The following GPHN variants were observed in gnomAD, a reference collection of about 807,000 sequenced individuals.
The protein encoded by GPHN is gephyrin.
A neutral mutation model predicts 95.5 loss-of-function variants in GPHN; 17 were observed. The observed-to-expected ratio is 0.18, with a 90% CI of 0.12 to 0.27. GPHN has a LOEUF of 0.27. Among genes scored for constraint, GPHN ranks in the 10% least tolerant of loss-of-function variants. The pLI is 1.00. For synonymous variants in GPHN, 320 were observed against 322.5 expected, an observed-to-expected ratio of 0.99 and a Z score of 0.08; for missense variants, 660 against 978.1, an observed-to-expected ratio of 0.67 and a Z score of 4.34.
chr14:67,153,726 C>T (rs779506824), intron 18 of GPHN, among the ~76,000 whole-genome samples: 19 of 152,204 alleles, frequency 1.2e-4, no homozygotes, highest in Non-Finnish European at 2.2e-4. Flanking sequence ...CAAAGTTTTG[C>T]ACAATTTTTC....
chr14:67,551,470 A>G, the GPHN span, among the ~76,000 whole-genome samples: 125 of 152,070 alleles, frequency 8.2e-4, 2 homozygotes, highest in African/African-American at 2.9e-3. Context: ...ATATATATAT[A>G]TTTTTTACTG....
chr14:67,662,497 G>C, the GPHN span: 1 of 1,611,996 alleles, frequency 6.2e-7, no homozygotes, highest in Non-Finnish European at 8.5e-7. Context: ...GCTTCCTGTT[G>C]CTTTTCATCA....
intron 3 of GPHN, among the ~76,000 whole-genome samples, chr14:66,782,891 AAAG>A (rs1322775572): frequency 2.0e-5 from 3 of 152,092 alleles, no homozygotes; most frequent in Admixed American, 6.5e-5. Flanking sequence ...TGAAAGATGG[AAAG>A]AAGAAGGCAG....
chr14:66,959,537 A>G (rs893133923), intron 8 of GPHN, among the ~76,000 whole-genome samples: 1 of 152,116 alleles, frequency 6.6e-6, no homozygotes, highest in Non-Finnish European at 1.5e-5. Context: ...TTTATCAGAT[A>G]TAGAATTATT....
chr14:67,665,002 G>A, the GPHN span, among the ~76,000 whole-genome samples: 147,743 of 152,286 alleles, frequency 0.97, 71,801 homozygotes, highest in East Asian at 1. Flanking sequence ...GAGTGGTGGG[G>A]TTACAGGAGT....
At chr14:67,585,251 C>T in the GPHN span, 16 of 243,392 alleles carry the variant, frequency 6.6e-5, no homozygotes, top group Admixed American at 1.6e-4. Flanking sequence ...CTAGGGCTGG[C>T]CTCTATTCTG....
chr14:67,257,280 A>T, the GPHN span, among the ~76,000 whole-genome samples: 1 of 152,102 alleles, frequency 6.6e-6, no homozygotes, highest in East Asian at 1.9e-4. Context: ...TCTCAGGTGA[A>T]CCTCAGAGGG....
chr14:67,695,658 G>C, the GPHN span: 9 of 1,614,092 alleles, frequency 5.6e-6, no homozygotes, highest in South Asian at 3.3e-5. Flanking sequence ...ATATACAGAA[G>C]GAAGGGCAGA....
chr14:67,293,519 T>A, the GPHN span, among the ~76,000 whole-genome samples: 1 of 152,182 alleles, frequency 6.6e-6, no homozygotes, highest in Non-Finnish European at 1.5e-5. Flanking sequence ...CTTTGTAGAT[T>A]AGCACATAAT....
chr14:67,223,324 A>G, the GPHN span, among the ~76,000 whole-genome samples: 1 of 152,240 alleles, frequency 6.6e-6, no homozygotes, highest in Non-Finnish European at 1.5e-5. Context: ...GTGTCTAAAA[A>G]TATGAGATGA....
chr14:67,261,971 A>C, the GPHN span, among the ~76,000 whole-genome samples: 9 of 152,298 alleles, frequency 5.9e-5, no homozygotes, highest in South Asian at 1.9e-3. Context: ...TGAAGGAAGC[A>C]TGTAGTCAGC....
the GPHN span, among the ~76,000 whole-genome samples, chr14:67,490,766 C>T: frequency 1.3e-5 from 2 of 152,144 alleles, no homozygotes; most frequent in Non-Finnish European, 2.9e-5. Context: ...AATACTACCT[C>T]TGTTTTTTTA....
chr14:66,918,089 A>G (rs1235696665), intron 6 of GPHN, among the ~76,000 whole-genome samples: 1 of 152,220 alleles, frequency 6.6e-6, no homozygotes, highest in Non-Finnish European at 1.5e-5. Context: ...CATGGAACTC[A>G]CAGAAAGCTG....
chr14:67,561,554 A>T, the GPHN span, among the ~76,000 whole-genome samples: 1 of 152,066 alleles, frequency 6.6e-6, no homozygotes, highest in African/African-American at 2.4e-5. Flanking sequence ...ATAGAGCCAG[A>T]CCTTGTCTCA....
At chr14:67,452,676 G>C in the GPHN span, among the ~76,000 whole-genome samples, 1 of 152,098 alleles carries the variant, frequency 6.6e-6, no homozygotes, top group African/African-American at 2.4e-5. Flanking sequence ...ATCTAGGTTT[G>C]AATCTTGACT....
intron 2 of GPHN, among the ~76,000 whole-genome samples, chr14:66,695,011 T>C (rs924270777): frequency 2.6e-5 from 4 of 151,766 alleles, no homozygotes; most frequent in African/African-American, 9.7e-5. Context: ...ATACAAAAAT[T>C]AGCCATGCGC....
chr14:66,557,857 A>G (rs976344142), intron 1 of GPHN, among the ~76,000 whole-genome samples: 2 of 152,186 alleles, frequency 1.3e-5, no homozygotes, highest in East Asian at 3.8e-4. Flanking sequence ...TATATGAGTT[A>G]TTAATACAAT....
intron 2 of GPHN, among the ~76,000 whole-genome samples, chr14:66,709,781 T>G (rs11158645): frequency 6.6e-6 from 1 of 152,012 alleles, no homozygotes; most frequent in Non-Finnish European, 1.5e-5. Flanking sequence ...CTTCCACTTA[T>G]AAGATATACA....
At position 66,922,272 on chromosome 14, in the gene GPHN, T is replaced by G. The variant is rs535724884; in HGVS notation, c.457-394T>G. Among the ~76,000 whole-genome samples the G allele has an allele frequency of 5.7e-4, 37 of 65,394 alleles. No individual in the cohort carries two copies. The South Asian group carries it at 6.4e-3, about 11-fold the overall frequency. The allele number at this position is 65,394 out of a possible 152,430, so 42.9% of individuals were successfully genotyped here. A position where few individuals can be genotyped will look rare whatever the true frequency, so the allele number is the denominator to read the frequency against. ...AAAGGAATAGTCAGCAGAGTGTATG[T>G]TTTTTTTTTTTTTGTCACTGTAACT... On this transcript the variant is annotated intron_variant, in intron 6 of 22. Coordinates refer to ENST00000478722, the MANE Select transcript of GPHN (RefSeq NM_020806.5).
Sources: gnomAD v4.1 joint callset for allele counts (sites outside exome capture counted in the v4.1 genomes callset) on GRCh38, gnomAD v4.1.1 for gene constraint, MANE v1.5 for transcripts, NCBI Gene and HGNC (gene_info 2026-07-23, HGNC 2026-07-21) for gene names.